PDE8B: variants seen among roughly 807,000 people sequenced by gnomAD.
PDE8B encodes high affinity cAMP-specific and IBMX-insensitive 3',5'-cyclic phosphodiesterase 8B.
Under a neutral mutation model 101.3 loss-of-function variants are expected in PDE8B, and 26 were observed. The ratio of observed to expected loss-of-function variants is 0.26; its 90% CI spans 0.19 to 0.36. The LOEUF is 0.36. PDE8B is among the 10% of genes least tolerant of loss of function. The pLI is 1.00. For synonymous variants in PDE8B, 424 were observed against 429.3 expected, an observed-to-expected ratio of 0.99 and a Z score of 0.15; for missense variants, 810 against 1,163.1, an observed-to-expected ratio of 0.70 and a Z score of 4.42.
chr5:77,244,791 AG>A (rs1211451790), intron 1 of PDE8B, among the ~76,000 whole-genome samples: 1 of 151,774 alleles, frequency 6.6e-6, no homozygotes, highest in Non-Finnish European at 1.5e-5. Flanking sequence ...TAGGTAAACT[AG>A]GATTCCAACC....
chr5:77,143,518 T>A, the PDE8B span, among the ~76,000 whole-genome samples: 445 of 152,310 alleles, frequency 2.9e-3, 1 homozygote, highest in Middle Eastern at 0.01. Context: ...AACATACTGT[T>A]CAGTCTTGGG....
chr5:77,183,435 T>G, the PDE8B span, among the ~76,000 whole-genome samples: 1 of 152,084 alleles, frequency 6.6e-6, no homozygotes, highest in Non-Finnish European at 1.5e-5. Flanking sequence ...TTTCTTTAAA[T>G]TTTACAAATG....
At chr5:77,157,037 G>A in the PDE8B span, among the ~76,000 whole-genome samples, 1 of 152,166 alleles carries the variant, frequency 6.6e-6, no homozygotes, top group Non-Finnish European at 1.5e-5. Flanking sequence ...TCCAGCTTCA[G>A]CAGGGTGATC....
chr5:77,103,979 A>G, the PDE8B span, among the ~76,000 whole-genome samples: 2 of 152,242 alleles, frequency 1.3e-5, no homozygotes, highest in African/African-American at 2.4e-5. Context: ...GTCATTCTAG[A>G]GAGTTCTAAA....
chr5:77,188,031 C>G, the PDE8B span, among the ~76,000 whole-genome samples: 1 of 152,158 alleles, frequency 6.6e-6, no homozygotes, highest in Non-Finnish European at 1.5e-5. Context: ...CATGACTTCT[C>G]TAGGGTTTTA....
the PDE8B span, among the ~76,000 whole-genome samples, chr5:77,153,906 T>C: frequency 1.3e-5 from 2 of 152,184 alleles, no homozygotes; most frequent in African/African-American, 2.4e-5. Context: ...GTTGTCCGAT[T>C]TGCTAATAAG....
At chr5:77,277,034 G>A (rs1034100804) in intron 1 of PDE8B, among the ~76,000 whole-genome samples, 16 of 152,076 alleles carry the variant, frequency 1.1e-4, no homozygotes, top group African/African-American at 2.7e-4. Context: ...TTGCTTTCAC[G>A]GTGGTTGTTC....
At chr5:77,252,751 C>T (rs1348732156) in intron 1 of PDE8B, among the ~76,000 whole-genome samples, 3 of 152,024 alleles carry the variant, frequency 2.0e-5, no homozygotes, top group African/African-American at 7.3e-5. Flanking sequence ...GCAGAGGTAG[C>T]CGTTGAGGAG....
chr5:77,361,372 T>G (rs969768306), intron 10 of PDE8B, among the ~76,000 whole-genome samples: 6 of 152,226 alleles, frequency 3.9e-5, no homozygotes, highest in African/African-American at 1.4e-4. Context: ...TCTATAGTAG[T>G]TTCATTGTGA....
intron 1 of PDE8B, among the ~76,000 whole-genome samples, chr5:77,233,106 C>T (rs887194308): frequency 6.6e-5 from 10 of 151,794 alleles, no homozygotes; most frequent in Non-Finnish European, 8.8e-5. Flanking sequence ...TTACTGACCT[C>T]GGCTCCTGAG....
chr5:77,095,841 C>T, the PDE8B span, among the ~76,000 whole-genome samples: 7 of 152,250 alleles, frequency 4.6e-5, no homozygotes, highest in South Asian at 2.1e-4. Flanking sequence ...TTGCTTTAGC[C>T]GACTTCATAT....
intron 10 of PDE8B, among the ~76,000 whole-genome samples, chr5:77,383,964 G>C (rs1581387367): frequency 6.6e-6 from 1 of 152,134 alleles, no homozygotes; most frequent in African/African-American, 2.4e-5. Flanking sequence ...GGCTATGCGG[G>C]CTCTTTTTTG....
intron 1 of PDE8B, among the ~76,000 whole-genome samples, chr5:77,264,920 T>C (rs72766937): frequency 0.03 from 4,569 of 152,264 alleles, 85 homozygotes; most frequent in African/African-American, 0.039. Context: ...TTAACTACTC[T>C]TACTTTATTC....
chr5:77,394,071 A>G (rs902947158), intron 10 of PDE8B, among the ~76,000 whole-genome samples: 5 of 152,248 alleles, frequency 3.3e-5, no homozygotes, highest in Admixed American at 1.3e-4. Flanking sequence ...TATGCAAACA[A>G]CTACATTGCC....
chr5:77,103,008 TG>T, the PDE8B span, among the ~76,000 whole-genome samples: 3 of 152,216 alleles, frequency 2.0e-5, no homozygotes, highest in Non-Finnish European at 4.4e-5. Flanking sequence ...CACCCCTCAC[TG>T]AACTGCATGC....
intron 10 of PDE8B, among the ~76,000 whole-genome samples, chr5:77,376,815 T>C (rs549474218): frequency 4.0e-4 from 61 of 152,274 alleles, no homozygotes; most frequent in African/African-American, 1.4e-3. Context: ...AATTCTATCT[T>C]ATGCTAATCA....
chr5:77,223,070 C>G (rs1751529802), intron 1 of PDE8B, among the ~76,000 whole-genome samples: 1 of 152,116 alleles, frequency 6.6e-6, no homozygotes, highest in African/African-American at 2.4e-5. Flanking sequence ...ATGTAACCTG[C>G]ACATGTAATT....
In PDE8B at chr5:77,411,702, C is replaced by T. The variant is rs1159280186; in HGVS notation, c.1557C>T (p.Asn519=). 18 of 1,611,462 alleles carry T rather than the reference C, an allele frequency of 1.1e-5. No homozygotes were observed. Among genetic ancestry groups the T allele is most frequent in the African/African-American group, 2.7e-5 (2 of 74,836 alleles). The part of the protein sequence containing the change: ...MTDGLRRLSG[N]EYVFTKNVHQ... Reference sequence around the variant, plus strand: ...ACGGCTTGAGAAGACTGTCAGGAAACGAGTATGTGTTTACTAAGAGTAAGT... The same window carrying T: ...ACGGCTTGAGAAGACTGTCAGGAAATGAGTATGTGTTTACTAAGAGTAAGT... Residue 519 remains asparagine (N), a synonymous_variant, in exon 15 of 22, where the codon AAC becomes AAT. Transcript: ENST00000264917.
the PDE8B span, among the ~76,000 whole-genome samples, chr5:77,153,546 C>T: frequency 1.3e-5 from 2 of 149,450 alleles, no homozygotes; most frequent in African/African-American, 2.5e-5. Context: ...GGCTTTAGCA[C>T]GTGGGCCCCT....
Sources: allele counts gnomAD v4.1 joint callset (sites outside exome capture counted in the v4.1 genomes callset), GRCh38; gene constraint gnomAD v4.1.1; transcripts MANE v1.5; gene names NCBI Gene and HGNC (gene_info 2026-07-23, HGNC 2026-07-21).